Variants in CDYL2 observed in about 807,000 individuals in gnomAD.
CDYL2 encodes chromodomain Y-like protein 2.
In CDYL2, 23 loss-of-function variants were observed where a neutral mutation model predicts 49.4. The observed-to-expected ratio is 0.47, with a 90% CI of 0.34 to 0.66. The LOEUF is 0.66. CDYL2 is among the 30% of genes least tolerant of loss of function. The pLI, the probability that CDYL2 is intolerant of heterozygous loss-of-function variation, is 0.01. For missense variants in CDYL2, 678 were observed against 656.4 expected (o/e 1.03, Z -0.36); for synonymous variants, 360 against 268.8 (o/e 1.34, Z -3.32).
At chr16:80,698,511 A>G (rs1904285276) in intron 1 of CDYL2, among the ~76,000 whole-genome samples, 1 of 152,130 alleles carries the variant, frequency 6.6e-6, no homozygotes, top group Non-Finnish European at 1.5e-5. Context: ...TACGGTTTGG[A>G]TCTGTGTCCT....
intron 2 of CDYL2, among the ~76,000 whole-genome samples, chr16:80,669,444 C>A (rs1281289479): frequency 6.6e-6 from 1 of 152,160 alleles, no homozygotes; most frequent in Non-Finnish European, 1.5e-5. Context: ...CCCCCTCCAC[C>A]TCACTGCCGT....
At chr16:80,658,834 G>A (rs933389277) in intron 2 of CDYL2, among the ~76,000 whole-genome samples, 6 of 152,072 alleles carry the variant, frequency 3.9e-5, no homozygotes, top group Non-Finnish European at 8.8e-5. Context: ...GCTTGGGCAG[G>A]TAAGGTATAC....
intron 1 of CDYL2, among the ~76,000 whole-genome samples, chr16:80,775,316 T>G (rs1907044568): frequency 6.6e-6 from 1 of 151,790 alleles, no homozygotes. Flanking sequence ...ATAAAATGCT[T>G]AAGGAAGTAG....
intron 2 of CDYL2, among the ~76,000 whole-genome samples, chr16:80,652,591 G>C (rs531407982): frequency 6.6e-6 from 1 of 152,338 alleles, no homozygotes; most frequent in Non-Finnish European, 1.5e-5. Flanking sequence ...TCCATCCCAA[G>C]AGCACAGTGT....
chr16:80,800,508 G>C (rs1480961549), intron 1 of CDYL2, among the ~76,000 whole-genome samples: 1 of 152,068 alleles, frequency 6.6e-6, no homozygotes, highest in Non-Finnish European at 1.5e-5. Context: ...GGTGCAGATA[G>C]AGTCAGCCCT....
At chr16:80,610,238 G>A (rs1215470442) in intron 5 of CDYL2, among the ~76,000 whole-genome samples, 1 of 152,192 alleles carries the variant, frequency 6.6e-6, no homozygotes, top group East Asian at 1.9e-4. Flanking sequence ...AATGGGGGAT[G>A]GAACTGCAAA....
chr16:80,791,191 C>A (rs1415837503), intron 1 of CDYL2, among the ~76,000 whole-genome samples: 3 of 152,140 alleles, frequency 2.0e-5, no homozygotes, highest in Non-Finnish European at 4.4e-5. Context: ...TATAGGAAAA[C>A]AATGTCCCAT....
intron 2 of CDYL2, among the ~76,000 whole-genome samples, chr16:80,665,048 GC>G (rs1159090380): frequency 6.6e-6 from 1 of 152,150 alleles, no homozygotes; most frequent in Non-Finnish European, 1.5e-5. Flanking sequence ...GCTGAGACCT[GC>G]TTCTAGGTAT....
intron 1 of CDYL2, among the ~76,000 whole-genome samples, chr16:80,696,570 C>A (rs1910621644): frequency 6.6e-6 from 1 of 151,744 alleles, no homozygotes; most frequent in Admixed American, 6.6e-5. Flanking sequence ...GAGACTGTTA[C>A]AAACAACTAT....
chr16:80,734,120 A>T (rs986438083), intron 1 of CDYL2, among the ~76,000 whole-genome samples: 24 of 152,192 alleles, frequency 1.6e-4, no homozygotes, highest in African/African-American at 5.5e-4. Flanking sequence ...TTGGATGGGC[A>T]TCTCATATCA....
chr16:80,720,160 T>C (rs1904950475), intron 1 of CDYL2, among the ~76,000 whole-genome samples: 2 of 152,034 alleles, frequency 1.3e-5, no homozygotes. Context: ...CTACACAATA[T>C]CCACACAGAT....
chr16:80,618,377 T>C (rs4889165), intron 4 of CDYL2, among the ~76,000 whole-genome samples: 9,817 of 152,248 alleles, frequency 0.064, 555 homozygotes, highest in East Asian at 0.22. Flanking sequence ...GACGCACAGA[T>C]ACCACGCAGC....
chr16:80,636,364 A>G (rs928269341), intron 2 of CDYL2, among the ~76,000 whole-genome samples: 19 of 152,232 alleles, frequency 1.2e-4, no homozygotes, highest in African/African-American at 4.6e-4. Context: ...ATTTACAAGA[A>G]AAAACCCAAA....
intron 1 of CDYL2, among the ~76,000 whole-genome samples, chr16:80,762,357 G>C (rs1484765181): frequency 1.3e-5 from 2 of 152,148 alleles, no homozygotes; most frequent in African/African-American, 4.8e-5. Context: ...TGTGCAAAGA[G>C]GTGAGCCAGG....
chr16:80,740,628 G>A (rs892183307), intron 1 of CDYL2, among the ~76,000 whole-genome samples: 6 of 152,132 alleles, frequency 3.9e-5, no homozygotes, highest in Non-Finnish European at 8.8e-5. Flanking sequence ...CCAAGTGAAT[G>A]AACTGAAATA....
rs188308413 is a variant in CDYL2, at chr16:80,762,630, C to A, written c.24+41520G>T. On this transcript the variant is annotated intron_variant, in intron 1 of 6. Transcript: ENST00000570137. ...CATGTATTTCATACCTGCTAATTCA[C>A]CTACTGTCTATAAAGTATTTGTAAC... Among the ~76,000 whole-genome samples the A allele has an allele frequency of 4.3e-4, 66 of 152,312 alleles. No homozygotes were observed. In the Middle Eastern group the frequency reaches 0.01, roughly 24 times the overall value.
At position 80,786,364 on chromosome 16, in the gene CDYL2, T is replaced by C. The variant is rs568645433; in HGVS notation, c.24+17786A>G. On this transcript the variant is annotated intron_variant, in intron 1 of 6. Transcript: ENST00000570137. ...TGCAGCCAACAGACATATGAAAAAA[T>C]GCTCATCATCACTGGTCATTAGAGA... Among the ~76,000 whole-genome samples, 4 of 152,236 alleles carry C rather than the reference T, an allele frequency of 2.6e-5. No homozygotes were observed. The South Asian group carries it at 8.3e-4, about 32-fold the overall frequency.
intron 5 of CDYL2, among the ~76,000 whole-genome samples, chr16:80,609,937 C>T (rs1906520114): frequency 6.6e-6 from 1 of 152,158 alleles, no homozygotes; most frequent in African/African-American, 2.4e-5. Flanking sequence ...GGGCAAGTCA[C>T]TTAACGTCAC....
At chr16:80,698,746 T>G (rs1393125507) in intron 1 of CDYL2, among the ~76,000 whole-genome samples, 1 of 152,124 alleles carries the variant, frequency 6.6e-6, no homozygotes, top group African/African-American at 2.4e-5. Context: ...CCCCTTCACC[T>G]TCTGCCATGA....
Sources: allele counts gnomAD v4.1 joint callset (sites outside exome capture counted in the v4.1 genomes callset), GRCh38; gene constraint gnomAD v4.1.1; transcripts MANE v1.5; gene names NCBI Gene and HGNC (gene_info 2026-07-23, HGNC 2026-07-21).